Variants in DMD observed in about 807,000 individuals in gnomAD.
DMD encodes the protein dystrophin.
DMD carries 63 observed loss-of-function variants against 330.1 expected under a neutral mutation model. That is an observed-to-expected ratio of 0.19 (90% CI 0.16 to 0.24). The LOEUF (loss-of-function observed/expected upper bound fraction) is 0.24, where lower values mean the gene tolerates loss of function less well. Among genes scored for constraint, DMD ranks in the 10% least tolerant of loss-of-function variants. The pLI, the probability that DMD is intolerant of heterozygous loss-of-function variation, is 1.00. For synonymous variants in DMD, 1,223 were observed against 959.8 expected (o/e 1.27, Z -5.07); for missense variants, 3,344 against 2,684.1 (o/e 1.25, Z -5.43).
chrX:32,389,374 C>CA (rs2097984537), intron 32 of DMD, 127 bp downstream of exon 32: 1 of 798,000 alleles, frequency 1.3e-6, no homozygotes, highest in Admixed American at 2.6e-5. Flanking sequence ...TTTTTGTTCT[C>CA]AATCTTAAAA....
chrX:32,881,404 CTG>C (rs772579359), intron 2 of DMD, among the ~76,000 whole-genome samples: 19 of 112,325 alleles, frequency 1.7e-4, no homozygotes, highest in African/African-American at 6.1e-4. Context: ...ACAGTATTAT[CTG>C]TAAAATGATT....
At chrX:31,362,875 C>T (rs925880637) in intron 60 of DMD, among the ~76,000 whole-genome samples, 5 of 112,192 alleles carry the variant, frequency 4.5e-5, no homozygotes, top group East Asian at 2.8e-4. Flanking sequence ...GCGTGAACCC[C>T]GGAGGCGGAG....
At chrX:31,300,122 A>G (rs1052285584) in intron 62 of DMD, among the ~76,000 whole-genome samples, 1 of 112,171 alleles carries the variant, frequency 8.9e-6, no homozygotes, top group African/African-American at 3.2e-5. Flanking sequence ...TGCTGCAAAG[A>G]CTGCGTCGGT....
intron 4 of DMD, among the ~76,000 whole-genome samples, chrX:32,823,908 C>G (rs978171809): frequency 9.0e-6 from 1 of 111,396 alleles, no homozygotes; most frequent in Admixed American, 9.6e-5. Flanking sequence ...TTGCCTTAAT[C>G]AAGGCAAATC....
At chrX:33,060,710 A>C (rs1478510950) in intron 1 of DMD, among the ~76,000 whole-genome samples, 1 of 109,535 alleles carries the variant, frequency 9.1e-6, no homozygotes, top group African/African-American at 3.3e-5. Flanking sequence ...GGTGGCATGC[A>C]CTTGTAATCC....
intron 1 of DMD, among the ~76,000 whole-genome samples, chrX:33,024,277 C>T (rs2093960976): frequency 8.9e-6 from 1 of 112,177 alleles, no homozygotes; most frequent in African/African-American, 3.2e-5. Flanking sequence ...TCATTTCAAG[C>T]AGCACATATT....
At chrX:32,196,986 C>CTAAA (rs2097006253) in intron 44 of DMD, among the ~76,000 whole-genome samples, 1 of 49,640 alleles carries the variant, frequency 2.0e-5, no homozygotes, top group Non-Finnish European at 3.3e-5. Context: ...GACTCCATCT[C>CTAAA]AAAAAAAAAA....
chrX:33,200,726 C>T (rs2051212114), intron 1 of DMD, among the ~76,000 whole-genome samples: 1 of 110,154 alleles, frequency 9.1e-6, no homozygotes, highest in African/African-American at 3.3e-5. Flanking sequence ...TACAAATTAA[C>T]CTACTGGGTC....
At chrX:31,297,419 T>A (rs1347182005) in intron 62 of DMD, among the ~76,000 whole-genome samples, 1 of 111,420 alleles carries the variant, frequency 9.0e-6, no homozygotes, top group African/African-American at 3.3e-5. Context: ...CTTACATAGA[T>A]TTTTATAAGG....
At chrX:32,109,546 G>A (rs997907365) in intron 44 of DMD, among the ~76,000 whole-genome samples, 6 of 109,418 alleles carry the variant, frequency 5.5e-5, no homozygotes, top group African/African-American at 2.0e-4. Flanking sequence ...GAAAATCTGA[G>A]TGCGGAAATT....
At chrX:31,171,540 T>C (rs751858894) in intron 73 of DMD, among the ~76,000 whole-genome samples, 191 of 111,972 alleles carry the variant, frequency 1.7e-3, no homozygotes, top group Non-Finnish European at 3.1e-3. Context: ...CTTTATGTTA[T>C]TTATTCACTT....
At chrX:31,788,326 G>A (rs759916097) in intron 50 of DMD, among the ~76,000 whole-genome samples, 2 of 111,982 alleles carry the variant, frequency 1.8e-5, no homozygotes, top group South Asian at 7.4e-4. Context: ...GCTTACAAAG[G>A]GGAAATCCCA....
chrX:32,052,043 T>C lies in DMD; in HGVS notation c.6439-83529A>G, dbSNP rs2096119998. On this transcript the variant is annotated intron_variant, in intron 44 of 78. Transcript: ENST00000357033. ...AATATGTTCCCAGGAATTTTCGTAT[T>C]GGGTAGAAATATATGCTTTTCTGCA... 5.3e-5 allele frequency among the ~76,000 whole-genome samples: 6 copies of C among 112,259 alleles called. 1 individual carries two copies. In the South Asian group the frequency reaches 1.8e-3, roughly 34 times the overall value.
intron 19 of DMD, among the ~76,000 whole-genome samples, chrX:32,498,676 CTG>C (rs929875876): frequency 9.0e-6 from 1 of 111,709 alleles, no homozygotes; most frequent in Non-Finnish European, 1.9e-5. Flanking sequence ...TTAATATTAA[CTG>C]TTTTAAAATT....
chrX:32,034,005 T>G (rs1304083957), intron 44 of DMD, among the ~76,000 whole-genome samples: 2 of 111,474 alleles, frequency 1.8e-5, no homozygotes, highest in African/African-American at 6.5e-5. Flanking sequence ...TGAGAAGCTT[T>G]TTTAGACACC....
At chrX:31,968,233 G>A in intron 45 of DMD, 106 bp downstream of exon 45, 2 of 950,471 alleles carry the variant, frequency 2.1e-6, no homozygotes, top group Non-Finnish European at 3.0e-6. Context: ...GTTCTTTAAT[G>A]TTAGTGCCTT....
At chrX:32,957,376 T>C (rs2091654649) in intron 2 of DMD, among the ~76,000 whole-genome samples, 1 of 111,767 alleles carries the variant, frequency 8.9e-6, no homozygotes, top group South Asian at 3.7e-4. Context: ...AACAGCAGGA[T>C]GCAAAGTATA....
At chrX:31,636,649 A>G (rs2079434950) in intron 54 of DMD, among the ~76,000 whole-genome samples, 1 of 111,845 alleles carries the variant, frequency 8.9e-6, no homozygotes, top group Non-Finnish European at 1.9e-5. Context: ...CTCCCTGTGA[A>G]GTAAATATAA....
intron 9 of DMD, among the ~76,000 whole-genome samples, chrX:32,690,730 A>G (rs183057963): frequency 1.8e-5 from 2 of 111,932 alleles, no homozygotes; most frequent in Admixed American, 1.9e-4. Context: ...AGCCAAGCAT[A>G]CACAAGGAGG....
Sources: gnomAD v4.1 joint callset for allele counts (sites outside exome capture counted in the v4.1 genomes callset) on GRCh38, gnomAD v4.1.1 for gene constraint, MANE v1.5 for transcripts, NCBI Gene and HGNC (gene_info 2026-07-23, HGNC 2026-07-21) for gene names.